Variants in IL12RB2 observed in about 807,000 individuals in gnomAD.
IL12RB2 encodes interleukin 12 receptor subunit beta 2.
IL12RB2 carries 82 observed loss-of-function variants against 89.4 expected under a neutral mutation model. The observed-to-expected ratio is 0.92, with a 90% CI of 0.77 to 1.10. The LOEUF (loss-of-function observed/expected upper bound fraction) is 1.10. Ranked by LOEUF, IL12RB2 falls within the 50% of genes least tolerant of loss-of-function variation. The pLI, the probability that IL12RB2 is intolerant of heterozygous loss-of-function variation, is 0.00. For synonymous variants in IL12RB2, 368 were observed against 370.1 expected, an observed-to-expected ratio of 0.99 and a Z score of 0.07; for missense variants, 963 against 1,031.9, an observed-to-expected ratio of 0.93 and a Z score of 0.92.
intron 2 of IL12RB2, among the ~76,000 whole-genome samples, chr1:67,319,032 A>G (rs1410230555): frequency 6.6e-6 from 1 of 152,214 alleles, no homozygotes; most frequent in African/African-American, 2.4e-5. Context: ...GAGGAAACAA[A>G]GGGCGCTTTC....
chr1:67,396,783 G>T lies in IL12RB2; in HGVS notation c.*694G>T, dbSNP rs1874396. 136,078 of 152,470 alleles carry T rather than the reference G, an allele frequency of 0.89. 61,741 individuals are homozygous for T. Among genetic ancestry groups the T allele is most frequent in the Non-Finnish European group, 0.99 (67,175 of 68,172 alleles). The allele number at this position is 152,470 out of a possible 1,614,324, so 9.4% of individuals were successfully genotyped here. A position where few individuals can be genotyped will look rare whatever the true frequency, so the allele number is the denominator to read the frequency against. On this transcript the variant is annotated 3_prime_UTR_variant, in exon 17 of 17. Coordinates refer to ENST00000674203, the MANE Select transcript of IL12RB2 (RefSeq NM_001374259.2). Reference sequence around the variant, plus strand: ...CATAAAAGACACTGGTAAACACCAAGGTAAAAGGGCCCCCAAGGTGGTCAT... The same window carrying T: ...CATAAAAGACACTGGTAAACACCAATGTAAAAGGGCCCCCAAGGTGGTCAT...
chr1:67,322,008 A>C (rs17129778), intron 4 of IL12RB2, 119 bp downstream of exon 4: 1 of 880,798 alleles, frequency 1.1e-6, no homozygotes, highest in African/African-American at 1.6e-5. Flanking sequence ...TTCCCACCAC[A>C]TTGAAGTATT....
intron 3 of IL12RB2, 56 bp from the exon 4 acceptor site, chr1:67,321,546 A>G (rs1051443517): frequency 8.6e-7 from 1 of 1,156,158 alleles, no homozygotes; most frequent in African/African-American, 1.5e-5. Context: ...TAAACTCTTC[A>G]TTTTGAAATG....
intron 13 of IL12RB2, among the ~76,000 whole-genome samples, chr1:67,377,861 C>T (rs180747569): frequency 2.5e-4 from 38 of 152,276 alleles, no homozygotes; most frequent in Non-Finnish European, 7.4e-5. Context: ...TGCGGTGGCT[C>T]ACGCCTGTAA....
chr1:67,363,259 C>G (rs1662322068), intron 10 of IL12RB2, among the ~76,000 whole-genome samples: 1 of 132,972 alleles, frequency 7.5e-6, no homozygotes, highest in African/African-American at 2.9e-5. Flanking sequence ...TCTTGTTGCC[C>G]AGGCTGAAGT....
intron 9 of IL12RB2, among the ~76,000 whole-genome samples, chr1:67,346,320 T>C (rs1360769282): frequency 6.6e-6 from 1 of 151,144 alleles, no homozygotes; most frequent in African/African-American, 2.4e-5. Context: ...AGTGGGAAAA[T>C]AGATCCTTAG....
At chr1:67,392,162 T>C (rs1400290304) in intron 16 of IL12RB2, among the ~76,000 whole-genome samples, 1 of 152,128 alleles carries the variant, frequency 6.6e-6, no homozygotes, top group Non-Finnish European at 1.5e-5. Flanking sequence ...AAGAGACTTA[T>C]TAAAAGTAAG....
intron 15 of IL12RB2, among the ~76,000 whole-genome samples, chr1:67,386,870 TTTTATATA>T (rs1366495327): frequency 2.6e-5 from 3 of 116,426 alleles, no homozygotes; most frequent in African/African-American, 1.2e-4. Context: ...TAGAAATGTA[TTTTATATA>T]TATATATATA....
At chr1:67,329,294 A>C (rs1325928022) in intron 6 of IL12RB2, among the ~76,000 whole-genome samples, 1 of 152,190 alleles carries the variant, frequency 6.6e-6, no homozygotes, top group East Asian at 1.9e-4. Context: ...TTGGTTTTTG[A>C]AAAACCACTG....
chr1:67,307,994 G>A (rs907991203), intron 1 of IL12RB2, 27 bp downstream of exon 1: 7 of 152,108 alleles, frequency 4.6e-5, no homozygotes, highest in African/African-American at 1.7e-4. Flanking sequence ...TCGGGGTCGG[G>A]GACAGAGAGA....
At chr1:67,373,132 A>G in intron 13 of IL12RB2, among the ~76,000 whole-genome samples, 1 of 152,190 alleles carries the variant, frequency 6.6e-6, no homozygotes, top group Middle Eastern at 3.2e-3. Flanking sequence ...TTTTTAAGAC[A>G]GTGCCTCACT....
chr1:67,362,367 C>T (rs1396229871), intron 10 of IL12RB2, among the ~76,000 whole-genome samples: 1 of 149,076 alleles, frequency 6.7e-6, no homozygotes, highest in South Asian at 2.1e-4. Flanking sequence ...GAGATCGAGA[C>T]CATCCTGGCT....
chr1:67,335,993 T>A (rs1180735616), intron 8 of IL12RB2, among the ~76,000 whole-genome samples: 1 of 152,356 alleles, frequency 6.6e-6, no homozygotes, highest in East Asian at 1.9e-4. Flanking sequence ...AGTCAGTGAG[T>A]GTCCCCTTTA....
chr1:67,353,525 C>T (rs571209343), intron 10 of IL12RB2, among the ~76,000 whole-genome samples: 1 of 152,264 alleles, frequency 6.6e-6, no homozygotes, highest in African/African-American at 2.4e-5. Flanking sequence ...ACTGTGATCG[C>T]ACCACTGCAC....
chr1:67,356,360 T>C (rs1038706930), intron 10 of IL12RB2, among the ~76,000 whole-genome samples: 2 of 152,152 alleles, frequency 1.3e-5, no homozygotes, highest in Admixed American at 6.5e-5. Flanking sequence ...ATCTCTATGA[T>C]GGGGTAGGAA....
chr1:67,379,787 G>A (rs1249363394), intron 13 of IL12RB2, 199 bp from the exon 14 acceptor site: 2 of 541,672 alleles, frequency 3.7e-6, no homozygotes, highest in African/African-American at 1.9e-5. Context: ...TTAATATGCT[G>A]TGGAGTGAGA....
chr1:67,377,767 T>A, intron 13 of IL12RB2, among the ~76,000 whole-genome samples: 1 of 145,728 alleles, frequency 6.9e-6, no homozygotes, highest in East Asian at 2.1e-4. Flanking sequence ...AGGTCACAGA[T>A]CCTATTGTAA....
At chr1:67,329,042 C>A (rs1316235433) in intron 6 of IL12RB2, among the ~76,000 whole-genome samples, 1 of 152,228 alleles carries the variant, frequency 6.6e-6, no homozygotes, top group African/African-American at 2.4e-5. Context: ...TCTCTGCATA[C>A]ATATTGCTAA....
intron 16 of IL12RB2, among the ~76,000 whole-genome samples, chr1:67,394,330 C>T (rs1666138050): frequency 6.6e-6 from 1 of 151,966 alleles, no homozygotes; most frequent in Non-Finnish European, 1.5e-5. Flanking sequence ...TTCTAGGATG[C>T]AAAGAGACCC....
Sources: allele counts gnomAD v4.1 joint callset (sites outside exome capture counted in the v4.1 genomes callset), GRCh38; gene constraint gnomAD v4.1.1; transcripts MANE v1.5; gene names NCBI Gene and HGNC (gene_info 2026-07-23, HGNC 2026-07-21).